CLOCK: variants seen among roughly 807,000 people sequenced by gnomAD.
CLOCK encodes the protein clock circadian regulator.
CLOCK carries 43 observed loss-of-function variants against 118.4 expected under a neutral mutation model. The ratio of observed to expected loss-of-function variants is 0.36; its 90% CI spans 0.28 to 0.47. The LOEUF is 0.47. Among genes scored for constraint, CLOCK ranks in the 20% least tolerant of loss-of-function variants. The pLI is 1.00. For synonymous variants in CLOCK, 326 were observed against 339.2 expected, an observed-to-expected ratio of 0.96 and a Z score of 0.43; for missense variants, 846 against 999.9, an observed-to-expected ratio of 0.85 and a Z score of 2.08.
chr4:55,466,528 T>C (rs1725750198), intron 8 of CLOCK, among the ~76,000 whole-genome samples: 1 of 152,240 alleles, frequency 6.6e-6, no homozygotes, highest in African/African-American at 2.4e-5. Context: ...TCTACTATTA[T>C]TTGTTACTAA....
rs907956821 is a variant in CLOCK, at chr4:55,470,901, T to A, written c.349-95A>T. On this transcript the variant is annotated intron_variant, in intron 7 of 22. Transcript: ENST00000513440. ...GAGATAAATGACAAAGGATTTAATATGGAAATATCCAAAGTTCTGTCAAAA... is the reference window on the plus strand; with the variant it reads ...GAGATAAATGACAAAGGATTTAATAAGGAAATATCCAAAGTTCTGTCAAAA... The A allele has an allele frequency of 1.2e-5, 10 of 842,396 alleles. No individual in the cohort carries two copies. In the African/African-American group the frequency reaches 1.5e-4, roughly 13 times the overall value. 52.2% of individuals were successfully genotyped at this position (842,396 alleles called of 1,614,324 possible).
At chr4:55,490,666 C>T (rs1316998313) in intron 2 of CLOCK, among the ~76,000 whole-genome samples, 1 of 152,136 alleles carries the variant, frequency 6.6e-6, no homozygotes, top group East Asian at 1.9e-4. Context: ...CTCTAGATTA[C>T]TTATAATGCA....
In CLOCK at chr4:55,453,110, C is replaced by T; in HGVS notation, c.1150G>A (p.Glu384Lys). The change falls in exon 15 of 23, where the codon GAA (glutamate) becomes AAA (lysine). Residue 384 changes from glutamate (E) to lysine (K), a missense_variant. This residue lies in a region of CLOCK where 520 missense variants were observed against 558.0 expected (regional missense o/e 0.93). Transcript: ENST00000513440. ...TCAATGCCAAGTTCTCGTCGTCTTT[C>T]AGCCCTAACTTCTGCATAACTACAA... is the stretch of plus-strand genomic sequence containing the variant. ...TVVSYAEVRA[E>K]RRRELGIEES... The T allele has an allele frequency of 6.2e-7, 1 of 1,613,014 alleles. No individual in the cohort carries two copies. Among genetic ancestry groups the T allele is most frequent in the East Asian group, 2.2e-5 (1 of 44,782 alleles).
intron 2 of CLOCK, among the ~76,000 whole-genome samples, chr4:55,508,123 C>T (rs996592095): frequency 7.9e-5 from 12 of 152,160 alleles, no homozygotes; most frequent in Non-Finnish European, 1.6e-4. Flanking sequence ...AGTTACTTAA[C>T]CATATCCTTT....
intron 8 of CLOCK, among the ~76,000 whole-genome samples, chr4:55,466,010 C>G (rs4864997): frequency 0.34 from 51,335 of 151,916 alleles, 9,362 homozygotes; most frequent in East Asian, 0.58. Context: ...TTGCCTTCTA[C>G]TGACAAAATA....
At chr4:55,458,357 T>G (rs899778087) in intron 11 of CLOCK, among the ~76,000 whole-genome samples, 1 of 152,144 alleles carries the variant, frequency 6.6e-6, no homozygotes, top group Non-Finnish European at 1.5e-5. Flanking sequence ...TCACCTCGCC[T>G]GGCCCCGCCG....
At chr4:55,491,095 G>C (rs1403221754) in intron 2 of CLOCK, among the ~76,000 whole-genome samples, 1 of 151,978 alleles carries the variant, frequency 6.6e-6, no homozygotes, top group Non-Finnish European at 1.5e-5. Flanking sequence ...GACATCAAAA[G>C]AGAAATTAGA....
At chr4:55,524,499 C>T (rs1051189787) in intron 1 of CLOCK, among the ~76,000 whole-genome samples, 1 of 152,162 alleles carries the variant, frequency 6.6e-6, no homozygotes, top group African/African-American at 2.4e-5. Context: ...TTTTTACACT[C>T]AGAAATATAA....
rs1560446554 is a variant in CLOCK at position 55,479,715 on chromosome 4, T to C, written c.48-16A>G. The C allele has an allele frequency of 1.9e-6, 3 of 1,608,902 alleles. No homozygotes were observed. Among genetic ancestry groups the C allele is most frequent in the South Asian group, 1.1e-5 (1 of 90,928 alleles). On this transcript the variant is annotated splice_polypyrimidine_tract_variant and intron_variant, in intron 4 of 22. Transcript: ENST00000513440. Reference sequence around the variant, plus strand: ...ACTGTCATCTCTAAAAGAAAGCGGATAGAGAAAGTAAGAGCAGACTCACTA... The same window carrying C: ...ACTGTCATCTCTAAAAGAAAGCGGACAGAGAAAGTAAGAGCAGACTCACTA...
chr4:55,525,617 C>T (rs1173842226), intron 1 of CLOCK, among the ~76,000 whole-genome samples: 1 of 151,984 alleles, frequency 6.6e-6, no homozygotes, highest in Non-Finnish European at 1.5e-5. Flanking sequence ...TACAGGTGTC[C>T]ACCACCATGC....
intron 13 of CLOCK, among the ~76,000 whole-genome samples, chr4:55,455,106 T>C (rs1178076237): frequency 6.6e-6 from 1 of 152,172 alleles, no homozygotes; most frequent in Admixed American, 6.5e-5. Flanking sequence ...TAAAACGTCA[T>C]GAAAAGGTCT....
chr4:55,495,549 A>G (rs547199220), intron 2 of CLOCK, among the ~76,000 whole-genome samples: 1 of 152,208 alleles, frequency 6.6e-6, no homozygotes, highest in South Asian at 2.1e-4. Flanking sequence ...CCACCAGACT[A>G]CATCAGCTAT....
intron 1 of CLOCK, among the ~76,000 whole-genome samples, chr4:55,535,911 G>C (rs549655475): frequency 4.1e-4 from 63 of 151,966 alleles, no homozygotes; most frequent in Non-Finnish European, 8.4e-4. Flanking sequence ...CCTAATTATT[G>C]CTTGGGTTAG....
rs1162828805 is a variant in CLOCK, at chr4:55,435,186, ACT to A, written c.*227_*228del. On this transcript the variant is annotated 3_prime_UTR_variant, in exon 23 of 23. Coordinates refer to ENST00000513440, the MANE Select transcript of CLOCK (RefSeq NM_004898.4). ...CAAAAAATATCCAGGCACCTAAAACACTGTCAGAACTGGCTATGCCCCTATGA... is the reference window on the plus strand; with the variant it reads ...CAAAAAATATCCAGGCACCTAAAACAGTCAGAACTGGCTATGCCCCTATGA... 5.4e-6 allele frequency: 3 copies of A among 555,942 alleles called. No homozygotes were observed. The highest frequency in any genetic ancestry group is 6.2e-5 in the East Asian group (2 of 32,392). 34.4% of individuals were successfully genotyped at this position (555,942 alleles called of 1,614,324 possible).
intron 1 of CLOCK, among the ~76,000 whole-genome samples, chr4:55,535,325 T>C (rs1184796300): frequency 1.3e-5 from 2 of 152,120 alleles, no homozygotes; most frequent in East Asian, 3.8e-4. Context: ...TTAAAAAATA[T>C]ACATCAAAAA....
intron 7 of CLOCK, among the ~76,000 whole-genome samples, chr4:55,471,632 C>T (rs967073747): frequency 6.6e-6 from 1 of 152,104 alleles, no homozygotes. Flanking sequence ...AATAAAAATG[C>T]AATTTTGTAT....
At chr4:55,439,571 A>T (rs1233688395) in intron 21 of CLOCK, among the ~76,000 whole-genome samples, 2 of 152,298 alleles carry the variant, frequency 1.3e-5, no homozygotes, top group Admixed American at 1.3e-4. Flanking sequence ...CCATAATCAT[A>T]AGCAGCATTA....
intron 1 of CLOCK, among the ~76,000 whole-genome samples, chr4:55,544,322 T>A (rs1006345814): frequency 5.3e-5 from 8 of 152,038 alleles, no homozygotes; most frequent in East Asian, 1.9e-4. Flanking sequence ...AATGTTCACA[T>A]CCTCCTCATA....
At chr4:55,480,592 A>G (rs1010779699) in intron 4 of CLOCK, among the ~76,000 whole-genome samples, 12 of 152,184 alleles carry the variant, frequency 7.9e-5, no homozygotes, top group African/African-American at 2.7e-4. Flanking sequence ...AGAAACAAGT[A>G]TAAAAATGGG....
Sources: gnomAD v4.1 joint callset for allele counts (sites outside exome capture counted in the v4.1 genomes callset) on GRCh38, gnomAD v4.1.1 for gene constraint, gnomAD v4.1.1 regional missense constraint, MANE v1.5 for transcripts, NCBI Gene and HGNC (gene_info 2026-07-23, HGNC 2026-07-21) for gene names.